Variants in PDZD2 observed in about 807,000 individuals in gnomAD.
PDZD2 encodes PDZ domain containing 2, also known as PDZ domain-containing protein 2.
In PDZD2, 90 loss-of-function variants were observed where a neutral mutation model predicts 220.7. The ratio of observed to expected loss-of-function variants is 0.41; its 90% confidence interval spans 0.34 to 0.49. The LOEUF (loss-of-function observed/expected upper bound fraction) is 0.49, where lower values mean the gene tolerates loss of function less well. Among genes scored for constraint, PDZD2 ranks in the 20% least tolerant of loss-of-function variants. The probability of loss-of-function intolerance (pLI) is 0.28; values close to 1 mark genes in which losing one functional copy is unlikely to be tolerated. For synonymous variants in PDZD2, 1,375 were observed against 1,450.5 expected (o/e 0.95, Z 1.18); for missense variants, 3,174 against 3,608.5 (o/e 0.88, Z 3.08).
chr5:31,854,492 A>T (rs62360854), intron 2 of PDZD2, among the ~76,000 whole-genome samples: 1 of 152,130 alleles, frequency 6.6e-6, no homozygotes, highest in African/African-American at 2.4e-5. Context: ...CCTGCCCCAT[A>T]CGATGGTTGT....
intron 2 of PDZD2, among the ~76,000 whole-genome samples, chr5:31,801,806 A>G (rs890606136): frequency 3.9e-5 from 6 of 152,190 alleles, no homozygotes; most frequent in Admixed American, 3.9e-4. Context: ...GTAGTAGTCT[A>G]TATGTATTAA....
chr5:31,983,326 C>A lies in PDZD2; in HGVS notation c.648C>A (p.Thr216=). 1 of 1,614,200 alleles carries A rather than the reference C, an allele frequency of 6.2e-7. No homozygotes were observed. The highest frequency in any genetic ancestry group is 1.3e-5 in the African/African-American group (1 of 75,048). Residue 216 remains threonine (T), a synonymous_variant, in exon 3 of 25, where the codon ACC becomes ACA. Coordinates refer to ENST00000438447, the MANE Select transcript of PDZD2 (RefSeq NM_178140.4). ...GAACTGCGAAAAAGGGGAAACGAAC[C>A]AGAAAGTTTGGGGTCATCTCCAGGC... ...GDRTAKKGKR[T]RKFGVISRPP...
At chr5:31,661,477 C>T (rs538795401) in intron 1 of PDZD2, 8 of 152,256 alleles carry the variant, frequency 5.3e-5, no homozygotes, top group African/African-American at 9.6e-5. Context: ...AGGGGACAGC[C>T]GAGCCAAGAA....
At chr5:31,766,193 A>AAAC (rs1429312776) in intron 1 of PDZD2, among the ~76,000 whole-genome samples, 4 of 152,076 alleles carry the variant, frequency 2.6e-5, no homozygotes, top group African/African-American at 9.7e-5. Flanking sequence ...ACAAACAAAC[A>AAAC]AACAAAAATT....
chr5:32,070,392 T>C (rs1740629456), intron 15 of PDZD2, among the ~76,000 whole-genome samples: 1 of 152,212 alleles, frequency 6.6e-6, no homozygotes, highest in Non-Finnish European at 1.5e-5. Context: ...ATAGCCATCA[T>C]AGGCTTTCTA....
chr5:31,835,661 T>G (rs1404335429), intron 2 of PDZD2, among the ~76,000 whole-genome samples: 1 of 152,108 alleles, frequency 6.6e-6, no homozygotes, highest in Non-Finnish European at 1.5e-5. Flanking sequence ...GACCCTGCCT[T>G]ACTGACCAAG....
At chr5:31,672,431 C>G (rs888624494) in intron 1 of PDZD2, among the ~76,000 whole-genome samples, 1 of 152,196 alleles carries the variant, frequency 6.6e-6, no homozygotes, top group African/African-American at 2.4e-5. Context: ...TGGCCAGTCC[C>G]TCTAGTTCCC....
intron 24 of PDZD2, 100 bp downstream of exon 24, chr5:32,101,339 A>C (rs1744240279): frequency 9.1e-7 from 1 of 1,101,668 alleles, no homozygotes; most frequent in African/African-American, 1.6e-5. Flanking sequence ...CAAAAAACCT[A>C]AACTGTTTTT....
In PDZD2 at chr5:32,089,671, G is replaced by A. The variant is rs747734119; in HGVS notation, c.6223G>A (p.Gly2075Arg). 1 of 1,614,186 alleles carries A rather than the reference G, an allele frequency of 6.2e-7. No individual in the cohort carries two copies. Among genetic ancestry groups the A allele is most frequent in the East Asian group, 2.2e-5 (1 of 44,876 alleles). ...TAQPRPTGEK[G>R]GNIMASDRLE... Reference sequence around the variant, plus strand: ...CCAACCCAGGCCGACTGGCGAAAAAGGAGGCAACATAATGGCCAGCGATCG... The same window carrying A: ...CCAACCCAGGCCGACTGGCGAAAAAAGAGGCAACATAATGGCCAGCGATCG... The change falls in exon 20 of 25, where the codon GGA (glycine) becomes AGA (arginine). Residue 2075 changes from glycine (G) to arginine (R), a missense_variant. Gly to Arg is a moderately radical substitution (Grantham distance 125). This residue lies in a region of PDZD2 where 1,861 missense variants were observed against 2,001.0 expected (regional missense o/e 0.93). Coordinates refer to ENST00000438447, the MANE Select transcript of PDZD2 (RefSeq NM_178140.4).
chr5:31,999,280 GTTT>G (rs60415381), intron 4 of PDZD2, among the ~76,000 whole-genome samples: 2,681 of 127,732 alleles, frequency 0.021, 49 homozygotes, highest in African/African-American at 0.04. Flanking sequence ...GGCGGGATTT[GTTT>G]TTTTTTTTTG....
intron 2 of PDZD2, among the ~76,000 whole-genome samples, chr5:31,848,990 A>G (rs1757763245): frequency 6.6e-6 from 1 of 152,128 alleles, no homozygotes. Flanking sequence ...TGGAGCTTGC[A>G]GTGAGCCGAG....
chr5:32,026,214 A>G (rs1313675467), intron 6 of PDZD2, among the ~76,000 whole-genome samples: 1 of 150,114 alleles, frequency 6.7e-6, no homozygotes, highest in Non-Finnish European at 1.5e-5. Context: ...TTGGCTCACT[A>G]CAACCTCCAT....
chr5:31,643,604 C>T (rs1389597042), intron 1 of PDZD2, among the ~76,000 whole-genome samples: 1 of 152,160 alleles, frequency 6.6e-6, no homozygotes, highest in African/African-American at 2.4e-5. Flanking sequence ...CTGGGGAACT[C>T]TTGTCTTTCA....
chr5:31,955,683 C>CTTTTTTTTTT (rs34964306), intron 2 of PDZD2, among the ~76,000 whole-genome samples: 11 of 116,884 alleles, frequency 9.4e-5, no homozygotes, highest in Non-Finnish European at 1.6e-4. Flanking sequence ...GGGCTCTGTT[C>CTTTTTTTTTT]TTTTTTTTTT....
chr5:31,936,315 G>C, intron 2 of PDZD2: 1 of 987,602 alleles, frequency 1.0e-6, no homozygotes, highest in South Asian at 4.7e-5. Context: ...AAGCACAGCA[G>C]AGCACGCTCA....
At chr5:31,842,125 A>G (rs1182567223) in intron 2 of PDZD2, among the ~76,000 whole-genome samples, 1 of 152,238 alleles carries the variant, frequency 6.6e-6, no homozygotes, top group Non-Finnish European at 1.5e-5. Context: ...AAAAACACAT[A>G]TAGCTTGATA....
chr5:31,844,860 T>C (rs978683871), intron 2 of PDZD2, among the ~76,000 whole-genome samples: 1 of 152,190 alleles, frequency 6.6e-6, no homozygotes, highest in African/African-American at 2.4e-5. Flanking sequence ...ATGGCTGTAA[T>C]TGATTTTCTG....
Position 32,109,049 on chromosome 5 carries a change from GT to G in PDZD2, c.*915del, listed in dbSNP as rs1561629445. 7.0e-6 allele frequency: 1 copy of G among 141,886 alleles called. No individual in the cohort carries two copies. Among genetic ancestry groups the G allele is most frequent in the Non-Finnish European group, 1.6e-5 (1 of 63,232 alleles). The allele number at this position is 141,886 out of a possible 1,614,324, so 8.8% of individuals were successfully genotyped here. ...AGACAAAAATATCACAAGTCAGTCA[GT>G]CACTGGGTTTCCATTTCTGAATTTT... On this transcript the variant is annotated 3_prime_UTR_variant, in exon 25 of 25. Transcript: ENST00000438447.
intron 1 of PDZD2, among the ~76,000 whole-genome samples, chr5:31,755,117 C>T (rs1394269362): frequency 6.6e-6 from 1 of 152,140 alleles, no homozygotes; most frequent in Non-Finnish European, 1.5e-5. Flanking sequence ...GACTGATGGC[C>T]GCCTTGTGTA....
Sources: allele counts gnomAD v4.1 joint callset (sites outside exome capture counted in the v4.1 genomes callset), GRCh38; gene constraint gnomAD v4.1.1; regional missense constraint gnomAD v4.1.1; transcripts MANE v1.5; gene names NCBI Gene and HGNC (gene_info 2026-07-23, HGNC 2026-07-21).